Variants in DNAH14 observed in about 807,000 individuals in gnomAD.
DNAH14 encodes the protein axonemal beta dynein heavy chain 14.
A neutral mutation model predicts 520.9 loss-of-function variants in DNAH14; 478 were observed. The ratio of observed to expected loss-of-function variants is 0.92; its 90% confidence interval spans 0.85 to 0.99. The LOEUF (loss-of-function observed/expected upper bound fraction) is 0.99. DNAH14 is among the 50% of genes least tolerant of loss of function. The pLI, the probability that DNAH14 is intolerant of heterozygous loss-of-function variation, is 0.00. For missense variants in DNAH14, 4,831 were observed against 5,234.5 expected, an observed-to-expected ratio of 0.92 and a Z score of 2.38; for synonymous variants, 1,581 against 1,757.2, an observed-to-expected ratio of 0.90 and a Z score of 2.51.
chr1:225,013,438 G>A lies in DNAH14; in HGVS notation c.1107+5894G>A, dbSNP rs565350056. 3.9e-5 allele frequency among the ~76,000 whole-genome samples: 6 copies of A among 152,276 alleles called. No individual in the cohort carries two copies. The South Asian group carries it at 8.3e-4, about 21-fold the overall frequency. ...GAGGTGTTTCCCAGTCAGGAGGCAC[G>A]GGGGTCAGGGACCCACTTGAGGAGG... On this transcript the variant is annotated intron_variant, in intron 10 of 85. Transcript: ENST00000682510.
Position 225,023,670 on chromosome 1 carries a change from A to G in DNAH14, c.1163A>G (p.Asp388Gly). 6.5e-7 allele frequency: 1 copy of G among 1,550,192 alleles called. No homozygotes were observed. The highest frequency in any genetic ancestry group is 8.7e-7 in the Non-Finnish European group (1 of 1,146,128). The change falls in exon 11 of 86, where the codon GAC (aspartate) becomes GGC (glycine). Residue 388 changes from aspartate (D) to glycine (G), a missense_variant. Physicochemically the swap from Asp to Gly is moderately conservative, Grantham distance 94 (BLOSUM62 -1). Coordinates refer to ENST00000682510, the MANE Select transcript of DNAH14 (RefSeq NM_001367479.1). ...EYFESKLSED[D>G]TTHFKLPKYR... ...TTTGAGTCAAAACTCTCTGAAGATG[A>G]CACAACACATTTCAAGCTGCCTAAA...
chr1:225,170,606 C>T lies in DNAH14; in HGVS notation c.5535+2578C>T, dbSNP rs1471438328. ...TATATGCAGCCAATACAGGAGCACC[C>T]AGATTCATAAAGCAAGTCCTTAGAG... On this transcript the variant is annotated intron_variant, in intron 36 of 85. Coordinates refer to ENST00000682510, the MANE Select transcript of DNAH14 (RefSeq NM_001367479.1). Among the ~76,000 whole-genome samples, 7 of 152,256 alleles carry T rather than the reference C, an allele frequency of 4.6e-5. No homozygotes were observed. In the East Asian group the frequency reaches 1.4e-3, roughly 29 times the overall value.
intron 52 of DNAH14, among the ~76,000 whole-genome samples, 171 bp downstream of exon 52, chr1:225,273,296 G>T (rs528975562): frequency 6.6e-6 from 1 of 152,304 alleles, no homozygotes; most frequent in South Asian, 2.1e-4. Context: ...GCCGGGCGTG[G>T]TGATGGGCGC....
Position 225,375,778 on chromosome 1 carries a change from A to AAAC in DNAH14, c.12516+908_12516+910dup, listed in dbSNP as rs1361092290. Among the ~76,000 whole-genome samples the AAAC allele has an allele frequency of 8.5e-5, 13 of 152,098 alleles. 1 individual carries two copies. The highest frequency in any genetic ancestry group is 4.2e-4 in the South Asian group (2 of 4,814). ...TTTTTTTTTTAAGATTTCCATCAAA[A>AAAC]AACAACAACAACAACAAGTGTCTTA... On this transcript the variant is annotated intron_variant, in intron 78 of 85. Coordinates refer to ENST00000682510, the MANE Select transcript of DNAH14 (RefSeq NM_001367479.1).
chr1:225,260,588 T>G (rs2092900792), intron 46 of DNAH14, among the ~76,000 whole-genome samples: 2 of 150,540 alleles, frequency 1.3e-5, no homozygotes, highest in Non-Finnish European at 2.9e-5. Flanking sequence ...TGAAATCAGG[T>G]AGGGTGATGC....
chr1:225,288,932 C>T (rs2093806100), intron 54 of DNAH14, among the ~76,000 whole-genome samples: 1 of 152,050 alleles, frequency 6.6e-6, no homozygotes, highest in Admixed American at 6.6e-5. Flanking sequence ...CATAGATTTA[C>T]CACATAATTG....
At chr1:225,119,095 A>G (rs2077097810) in intron 25 of DNAH14, 125 bp from the exon 26 acceptor site, 4 of 561,122 alleles carry the variant, frequency 7.1e-6, no homozygotes, top group African/African-American at 3.9e-5. Context: ...AAAAGGCAGT[A>G]GTAGTCCTTT....
At chr1:225,202,326 G>T (rs888594329) in intron 38 of DNAH14, among the ~76,000 whole-genome samples, 10 of 152,176 alleles carry the variant, frequency 6.6e-5, no homozygotes, top group African/African-American at 2.4e-4. Context: ...ATGAGGCTAG[G>T]CGTGTCTGAG....
rs1402781245 is a variant in DNAH14 at position 225,338,754 on chromosome 1, A to T, written c.10433+572A>T. Among the ~76,000 whole-genome samples, 3 of 152,202 alleles carry T rather than the reference A, an allele frequency of 2.0e-5. No homozygotes were observed. In the South Asian group the frequency reaches 6.2e-4, roughly 31 times the overall value. On this transcript the variant is annotated intron_variant, in intron 68 of 85. Coordinates refer to ENST00000682510, the MANE Select transcript of DNAH14 (RefSeq NM_001367479.1). The stretch of plus-strand genomic sequence containing the variant: ...TAAGATGTTTGAATTGTTAATGTGC[A>T]TTCTCTCCTTGTATGCAAAGCTACA...
intron 36 of DNAH14, among the ~76,000 whole-genome samples, chr1:225,176,486 G>T (rs998135226): frequency 6.6e-6 from 1 of 152,064 alleles, no homozygotes; most frequent in African/African-American, 2.4e-5. Flanking sequence ...TAACTCTTAT[G>T]TTTCTTTATT....
intron 73 of DNAH14, among the ~76,000 whole-genome samples, chr1:225,354,651 T>C (rs1024667032): frequency 6.6e-6 from 1 of 152,198 alleles, no homozygotes; most frequent in African/African-American, 2.4e-5. Flanking sequence ...ATGGCTCTCA[T>C]ATCTGTGTTC....
chr1:225,152,166 AT>A (rs1398940089), intron 32 of DNAH14, 93 bp downstream of exon 32: 3 of 1,084,664 alleles, frequency 2.8e-6, no homozygotes, highest in Non-Finnish European at 4.0e-6. Flanking sequence ...ATTTGCATCT[AT>A]CCATATATCT....
At position 225,221,964 on chromosome 1, in the gene DNAH14, G is replaced by GA. The variant is rs373070258; in HGVS notation, c.6440-9103dup. On this transcript the variant is annotated intron_variant, in intron 41 of 85. Coordinates refer to ENST00000682510, the MANE Select transcript of DNAH14 (RefSeq NM_001367479.1). ...AAGCCTTTGTCATTAAATCTGTACT[G>GA]AAAAAATGCAATTATTGCCAGCTTA... 6.2e-4 allele frequency among the ~76,000 whole-genome samples: 94 copies of GA among 152,240 alleles called. No homozygotes were observed. In the East Asian group the frequency reaches 0.017, roughly 27 times the overall value.
At chr1:225,279,348 C>A (rs1200739266) in intron 54 of DNAH14, among the ~76,000 whole-genome samples, 2 of 152,098 alleles carry the variant, frequency 1.3e-5, no homozygotes, top group African/African-American at 2.4e-5. Flanking sequence ...ATAAATAGAT[C>A]TTTTTCATGG....
intron 1 of DNAH14, among the ~76,000 whole-genome samples, chr1:224,934,830 C>T (rs543368985): frequency 6.6e-6 from 1 of 151,834 alleles, no homozygotes. Flanking sequence ...CTATAGATTT[C>T]TCTGCAGAAA....
chr1:225,080,732 C>A lies in DNAH14; in HGVS notation c.3120C>A (p.Ile1040=), dbSNP rs1375772750. ...ATGTTTCAAAACTGATGCACATAAT[C>A]TCGGTACTAGAAAAAGGTAAAAATG... The part of the protein sequence containing the change: ...QRNVSKLMHI[I]SVLEKGLPKS... The change falls in exon 19 of 86, where the codon ATC becomes ATA. Residue 1040 remains isoleucine, a synonymous_variant. Transcript: ENST00000682510. 6.6e-7 allele frequency: 1 copy of A among 1,521,216 alleles called. No homozygotes were observed. Among genetic ancestry groups the A allele is most frequent in the African/African-American group, 1.4e-5 (1 of 72,142 alleles). 94.2% of individuals were successfully genotyped at this position (1,521,216 alleles called of 1,614,324 possible). A position where few individuals can be genotyped will look rare whatever the true frequency, so the allele number is the denominator to read the frequency against.
rs367756955 is a variant in DNAH14, at chr1:225,337,412, G to A, written c.10227G>A (p.Arg3409=). The change falls in exon 67 of 86, where the codon AGG becomes AGA. Residue 3409 remains arginine, a synonymous_variant. Coordinates refer to ENST00000682510, the MANE Select transcript of DNAH14 (RefSeq NM_001367479.1). The stretch of plus-strand genomic sequence containing the variant: ...GGATCCGTCAGATGGAAGGATCCAG[G>A]CTGCAGAAGCTCTCCATTGAAGACA... The part of the protein sequence containing the change: ...HKWIRQMEGS[R]LQKLSIEDSN... The A allele has an allele frequency of 1.6e-5, 25 of 1,551,596 alleles. No individual in the cohort carries two copies. The African/African-American group carries it at 3.3e-4, about 20-fold the overall frequency.
chr1:225,211,613 C>A (rs7544279), intron 41 of DNAH14, among the ~76,000 whole-genome samples: 53,923 of 151,848 alleles, frequency 0.36, 11,830 homozygotes, highest in East Asian at 0.61. Context: ...ACCTAGCAAG[C>A]CAGGCCAAAA....
At position 225,304,971 on chromosome 1, in the gene DNAH14, A is replaced by G. The variant is rs1258954846; in HGVS notation, c.8887A>G (p.Arg2963Gly). 1.3e-6 allele frequency: 2 copies of G among 1,543,906 alleles called. No individual in the cohort carries two copies. The highest frequency in any genetic ancestry group is 1.7e-6 in the Non-Finnish European group (2 of 1,145,380). Residue 2963 changes from arginine to glycine, a missense_variant, in exon 58 of 86, where the codon AGA (arginine) becomes GGA (glycine). Physicochemically the swap from Arg to Gly is moderately radical, Grantham distance 125. Transcript: ENST00000682510. ...CCACAAAAGCATGAAAGACTTGAAC[A>G]GAAAATACTTTGAAGAAACTGGAAG... ...QIHKSMKDLN[R>G]KYFEETGRFY...
Sources: allele counts gnomAD v4.1 joint callset (sites outside exome capture counted in the v4.1 genomes callset), GRCh38; gene constraint gnomAD v4.1.1; transcripts MANE v1.5; gene names NCBI Gene and HGNC (gene_info 2026-07-23, HGNC 2026-07-21).